The following TAB2 variants were observed in gnomAD, a reference collection of about 807,000 sequenced individuals.
TAB2 encodes the protein TGF-beta-activated kinase 1 and MAP3K7-binding protein 2.
A neutral mutation model predicts 65.0 loss-of-function variants in TAB2; 3 were observed. The ratio of observed to expected loss-of-function variants is 0.05; its 90% CI spans 0.02 to 0.12. The LOEUF (loss-of-function observed/expected upper bound fraction) is 0.12, where lower values mean the gene tolerates loss of function less well. Among genes scored for constraint, TAB2 ranks in the 10% least tolerant of loss-of-function variants. TAB2 has a pLI of 1.00. For synonymous variants in TAB2, 298 were observed against 285.1 expected (o/e 1.05, Z -0.46); for missense variants, 623 against 840.3 (o/e 0.74, Z 3.20).
chr6:149,260,701 G>T (rs192715913), intron 1 of TAB2, among the ~76,000 whole-genome samples: 11 of 152,294 alleles, frequency 7.2e-5, no homozygotes, highest in Admixed American at 7.2e-4. Context: ...GGGTGGCGTG[G>T]TATTCACTGA....
chr6:149,353,679 G>C (rs1205036068), intron 1 of TAB2, among the ~76,000 whole-genome samples: 1 of 152,226 alleles, frequency 6.6e-6, no homozygotes. Context: ...AATGGTCCAC[G>C]TACAAAAAAC....
At position 149,377,947 on chromosome 6, in the gene TAB2, A is replaced by G. The variant is rs1267689307; in HGVS notation, c.103-71A>G. Reference sequence around the variant, plus strand: ...TTAGCCAGTCACTTGGTAATCATGTATTTGTAGAGATGCAAATATAAGCAT... The same window carrying G: ...TTAGCCAGTCACTTGGTAATCATGTGTTTGTAGAGATGCAAATATAAGCAT... On this transcript the variant is annotated intron_variant, in intron 2 of 6. Coordinates refer to ENST00000637181, the MANE Select transcript of TAB2 (RefSeq NM_001292034.3). The G allele has an allele frequency of 4.3e-6, 5 of 1,171,296 alleles. No homozygotes were observed. The African/African-American group carries it at 4.5e-5, about 11-fold the overall frequency. 72.6% of individuals were successfully genotyped at this position (1,171,296 alleles called of 1,614,324 possible). A position where few individuals can be genotyped will look rare whatever the true frequency, so the allele number is the denominator to read the frequency against.
At chr6:149,323,823 G>A (rs1157594321) in intron 1 of TAB2, among the ~76,000 whole-genome samples, 2 of 152,118 alleles carry the variant, frequency 1.3e-5, no homozygotes, top group African/African-American at 4.8e-5. Context: ...GAACAAATAG[G>A]ATGAAAAGTA....
chr6:149,262,784 A>C (rs1343162147), intron 1 of TAB2, among the ~76,000 whole-genome samples: 1 of 152,052 alleles, frequency 6.6e-6, no homozygotes, highest in Non-Finnish European at 1.5e-5. Context: ...ATATTCTCTT[A>C]ACTCCTTTTT....
chr6:149,399,452 A>G (rs1023003506), intron 6 of TAB2, among the ~76,000 whole-genome samples: 2 of 152,170 alleles, frequency 1.3e-5, no homozygotes, highest in Admixed American at 6.5e-5. Context: ...AGTCTTGGTT[A>G]AAAAACAATT....
intron 1 of TAB2, among the ~76,000 whole-genome samples, chr6:149,275,237 A>AGAGAAAGAAAG: frequency 5.5e-5 from 3 of 54,076 alleles, no homozygotes; most frequent in African/African-American, 1.7e-4. Context: ...AGAGAGAGAG[A>AGAGAAAGAAAG]AAGAAAGAAA....
chr6:149,388,697 G>T (rs1271111183), intron 3 of TAB2, among the ~76,000 whole-genome samples: 1 of 152,022 alleles, frequency 6.6e-6, no homozygotes, highest in Non-Finnish European at 1.5e-5. Context: ...TACGATTGAG[G>T]TTGAACATCT....
chr6:149,286,835 G>C (rs1457112064), intron 1 of TAB2, among the ~76,000 whole-genome samples: 1 of 152,106 alleles, frequency 6.6e-6, no homozygotes, highest in Non-Finnish European at 1.5e-5. Context: ...TTAGATATTG[G>C]CTGGGCGCGG....
chr6:149,370,206 T>C (rs1001232531), intron 2 of TAB2, 107 bp downstream of exon 2: 1 of 1,053,292 alleles, frequency 9.5e-7, no homozygotes, highest in African/African-American at 1.6e-5. Flanking sequence ...TAGTGTATTA[T>C]GATGAAAAGA....
chr6:149,264,799 C>G (rs569238860), intron 1 of TAB2, among the ~76,000 whole-genome samples: 1 of 152,338 alleles, frequency 6.6e-6, no homozygotes. Flanking sequence ...GCAAGGCAAG[C>G]CACAGCGGAA....
intron 1 of TAB2, among the ~76,000 whole-genome samples, chr6:149,223,894 T>C (rs1351567788): frequency 6.6e-6 from 1 of 151,452 alleles, no homozygotes; most frequent in Non-Finnish European, 1.5e-5. Flanking sequence ...CCTCCCCCTT[T>C]AGGAAAAGAA....
At chr6:149,278,253 T>C (rs1778513662) in intron 1 of TAB2, among the ~76,000 whole-genome samples, 1 of 152,216 alleles carries the variant, frequency 6.6e-6, no homozygotes, top group African/African-American at 2.4e-5. Flanking sequence ...TCTTCTTCCA[T>C]GAAGGTTTTC....
intron 2 of TAB2, chr6:149,372,514 A>G (rs958564475): frequency 5.3e-5 from 8 of 152,194 alleles, no homozygotes; most frequent in Non-Finnish European, 1.0e-4. Flanking sequence ...TAACCCAAAA[A>G]TAAAAAATGA....
chr6:149,271,547 TAGGACATGACCCAGAAGTTAC>T (rs1275409877), intron 1 of TAB2, among the ~76,000 whole-genome samples: 1 of 152,184 alleles, frequency 6.6e-6, no homozygotes, highest in Non-Finnish European at 1.5e-5. Context: ...ACTTCCTTTT[TAGGACATGACCCAGAAGTTAC>T]AGGACATGAC....
At chr6:149,351,126 C>G (rs944139458) in intron 1 of TAB2, among the ~76,000 whole-genome samples, 1 of 147,908 alleles carries the variant, frequency 6.8e-6, no homozygotes, top group African/African-American at 2.4e-5. Context: ...CCACTTCCTC[C>G]TCAGCCCAGA....
At chr6:149,380,845 G>T (rs555745237) in intron 3 of TAB2, among the ~76,000 whole-genome samples, 3 of 152,170 alleles carry the variant, frequency 2.0e-5, no homozygotes, top group African/African-American at 7.2e-5. Context: ...TCTCTTAGGG[G>T]GTCCTAATTG....
intron 1 of TAB2, among the ~76,000 whole-genome samples, chr6:149,355,943 A>G (rs1780640745): frequency 1.3e-5 from 2 of 152,088 alleles, no homozygotes; most frequent in African/African-American, 4.8e-5. Flanking sequence ...GCATTTTTCA[A>G]ATGTATTGCC....
chr6:149,336,922 TAA>T (rs67712825), intron 1 of TAB2, among the ~76,000 whole-genome samples: 164 of 149,514 alleles, frequency 1.1e-3, no homozygotes, highest in African/African-American at 3.5e-3. Context: ...TGCATTTAGA[TAA>T]AAAAAAAAAA....
At chr6:149,401,842 AAC>A (rs1230960790) in intron 6 of TAB2, among the ~76,000 whole-genome samples, 1 of 152,178 alleles carries the variant, frequency 6.6e-6, no homozygotes, top group East Asian at 1.9e-4. Flanking sequence ...TGGAAATTTA[AAC>A]ACAGTCTTGA....
Sources: allele counts gnomAD v4.1 joint callset (sites outside exome capture counted in the v4.1 genomes callset), GRCh38; gene constraint gnomAD v4.1.1; transcripts MANE v1.5; gene names NCBI Gene and HGNC (gene_info 2026-07-23, HGNC 2026-07-21).